The following PLPP7 variants were observed in gnomAD, a reference collection of about 807,000 sequenced individuals.
PLPP7 encodes inactive phospholipid phosphatase 7.
Under a neutral mutation model 16.9 loss-of-function variants are expected in PLPP7, and 11 were observed. The ratio of observed to expected loss-of-function variants is 0.65; its 90% CI spans 0.41 to 1.08. The LOEUF (loss-of-function observed/expected upper bound fraction) is 1.08, where lower values mean the gene tolerates loss of function less well. Among genes scored for constraint, PLPP7 ranks in the 50% least tolerant of loss-of-function variants. The pLI is 0.00. For synonymous variants in PLPP7, 174 were observed against 175.1 expected (o/e 0.99, Z 0.05); for missense variants, 358 against 397.1 (o/e 0.90, Z 0.84).
rs1448758491 is a variant in PLPP7 at position 131,295,059 on chromosome 9, G to A, written c.451+4611G>A. Reference sequence around the variant, plus strand: ...GAACCCGGGAGGCGGAGCTTGCAGTGAGCTGAGATCGCACCACTGCACTCC... The same window carrying A: ...GAACCCGGGAGGCGGAGCTTGCAGTAAGCTGAGATCGCACCACTGCACTCC... On this transcript the variant is annotated intron_variant, in intron 1 of 1. Coordinates refer to ENST00000372264, the MANE Select transcript of PLPP7 (RefSeq NM_032728.4). The surrounding 1 kb of genome is among the most constrained non-coding windows in gnomAD (Gnocchi z 4.0). Among the ~76,000 whole-genome samples, 1 of 150,364 alleles carries A rather than the reference G, an allele frequency of 6.7e-6. No homozygotes were observed. The highest frequency in any genetic ancestry group is 1.5e-5 in the Non-Finnish European group (1 of 67,498).
intron 1 of PLPP7, among the ~76,000 whole-genome samples, chr9:131,291,872 G>C (rs1197046405): frequency 1.3e-5 from 2 of 152,172 alleles, no homozygotes; most frequent in African/African-American, 4.8e-5. Context: ...ATGAGCCACC[G>C]TGCCTGGCCA....
intron 1 of PLPP7, among the ~76,000 whole-genome samples, chr9:131,303,070 G>A (rs1046767284): frequency 2.6e-5 from 4 of 152,154 alleles, no homozygotes; most frequent in East Asian, 3.8e-4. Context: ...GGTGGCTCAC[G>A]CCTGTAATCC....
At chr9:131,301,446 C>T (rs1023366914) in intron 1 of PLPP7, among the ~76,000 whole-genome samples, 4 of 152,150 alleles carry the variant, frequency 2.6e-5, no homozygotes, top group Admixed American at 1.3e-4. Flanking sequence ...GGCAGCTGTT[C>T]GGGCACCCAG....
At chr9:131,297,801 CAAG>C (rs752034253) in intron 1 of PLPP7, among the ~76,000 whole-genome samples, 1 of 152,204 alleles carries the variant, frequency 6.6e-6, no homozygotes, top group Non-Finnish European at 1.5e-5. Context: ...TCTTGCCCAG[CAAG>C]AAGCATTGTT....
At chr9:131,301,050 C>T (rs1182173265) in intron 1 of PLPP7, among the ~76,000 whole-genome samples, 2 of 152,170 alleles carry the variant, frequency 1.3e-5, no homozygotes, top group African/African-American at 4.8e-5. Context: ...CTCACTGCAA[C>T]GTCCATCTCC....
Position 131,292,973 on chromosome 9 carries a change from T to A in PLPP7, c.451+2525T>A, listed in dbSNP as rs576650079. ...CTTGAACAGAAGTGATAGACATTTT[T>A]AAAAATCTTTAAAAACATCATGTAT... On this transcript the variant is annotated intron_variant, in intron 1 of 1. Coordinates refer to ENST00000372264, the MANE Select transcript of PLPP7 (RefSeq NM_032728.4). 12 of 984,438 alleles carry A rather than the reference T, an allele frequency of 1.2e-5. 1 individual carries two copies. Among genetic ancestry groups the A allele is most frequent in the Middle Eastern group, 5.2e-4 (1 of 1,914 alleles). 61.0% of individuals were successfully genotyped at this position (984,438 alleles called of 1,614,324 possible). A position where few individuals can be genotyped will look rare whatever the true frequency, so the allele number is the denominator to read the frequency against.
intron 1 of PLPP7, among the ~76,000 whole-genome samples, chr9:131,303,615 C>G (rs764538048): frequency 6.6e-6 from 1 of 152,118 alleles, no homozygotes; most frequent in Non-Finnish European, 1.5e-5. Context: ...CATAACCCCC[C>G]ACCTTTATCC....
At position 131,307,530 on chromosome 9, in the gene PLPP7, T is replaced by G. The variant is rs2478864; in HGVS notation, c.452-393T>G. 2.3e-5 allele frequency among the ~76,000 whole-genome samples: 3 copies of G among 132,036 alleles called. No individual in the cohort carries two copies. In the East Asian group the frequency reaches 6.5e-4, roughly 29 times the overall value. 86.6% of individuals were successfully genotyped at this position (132,036 alleles called of 152,430 possible). ...TCTCACCTCTGCACTCCAGCCTGGT[T>G]GACAAAGTGAAACTCTGTCTCAAAA... On this transcript the variant is annotated intron_variant, in intron 1 of 1. Coordinates refer to ENST00000372264, the MANE Select transcript of PLPP7 (RefSeq NM_032728.4).
Position 131,292,853 on chromosome 9 carries a change from A to G in PLPP7, c.451+2405A>G. ...TGAAAAATTTGCAACCTACTTGTTA[A>G]GATAAGGCTTCAGGCTCATTCCAGC... On this transcript the variant is annotated intron_variant, in intron 1 of 1. Coordinates refer to ENST00000372264, the MANE Select transcript of PLPP7 (RefSeq NM_032728.4). 3 of 985,394 alleles carry G rather than the reference A, an allele frequency of 3.0e-6. No homozygotes were observed. The South Asian group carries it at 1.4e-4, about 46-fold the overall frequency. The allele number at this position is 985,394 out of a possible 1,614,324, so 61.0% of individuals were successfully genotyped here.
chr9:131,291,577 GAC>G (rs1835678668), intron 1 of PLPP7: 1 of 97,886 alleles, frequency 1.0e-5, no homozygotes, highest in Admixed American at 1.9e-4. Context: ...TTTTTTTTTT[GAC>G]AGAGTCTCGC....
At chr9:131,292,240 G>A (rs1423456889) in intron 1 of PLPP7, among the ~76,000 whole-genome samples, 1 of 152,176 alleles carries the variant, frequency 6.6e-6, no homozygotes, top group African/African-American at 2.4e-5. Context: ...AGAGAGGTAG[G>A]TTGCCTGCTG....
intron 1 of PLPP7, among the ~76,000 whole-genome samples, chr9:131,296,421 G>A (rs926534597): frequency 6.6e-6 from 1 of 152,048 alleles, no homozygotes; most frequent in African/African-American, 2.4e-5. Context: ...CTGCCACCAT[G>A]CCTGGCTAAT....
intron 1 of PLPP7, chr9:131,291,166 C>A (rs1433256590): frequency 6.6e-6 from 9 of 1,366,268 alleles, no homozygotes; most frequent in Non-Finnish European, 8.8e-6. Flanking sequence ...GCAAGCCATT[C>A]CCTCCACCCA....
At chr9:131,299,932 A>T (rs1368683331) in intron 1 of PLPP7, among the ~76,000 whole-genome samples, 2 of 152,184 alleles carry the variant, frequency 1.3e-5, no homozygotes, top group Non-Finnish European at 2.9e-5. Context: ...CAGGGAAGAA[A>T]GGGGGCAGAT....
At chr9:131,307,649 G>A (rs1448344294) in intron 1 of PLPP7, among the ~76,000 whole-genome samples, 1 of 151,332 alleles carries the variant, frequency 6.6e-6, no homozygotes, top group Non-Finnish European at 1.5e-5. Flanking sequence ...AATTAAACAA[G>A]GTGAGGGGAG....
intron 1 of PLPP7, chr9:131,291,227 C>T (rs1835673245): frequency 3.7e-6 from 5 of 1,348,578 alleles, no homozygotes; most frequent in Non-Finnish European, 4.0e-6. Flanking sequence ...CCACCAGGTC[C>T]CCAAGGTGCC....
intron 1 of PLPP7, among the ~76,000 whole-genome samples, chr9:131,298,890 C>T (rs1835765595): frequency 6.6e-6 from 1 of 152,212 alleles, no homozygotes; most frequent in South Asian, 2.1e-4. Context: ...ACAGCAGGGC[C>T]CCGGGGACAG....
intron 1 of PLPP7, among the ~76,000 whole-genome samples, chr9:131,296,258 G>A (rs1286185714): frequency 6.6e-6 from 1 of 150,520 alleles, no homozygotes; most frequent in Non-Finnish European, 1.5e-5. Flanking sequence ...GTTTCGTTTT[G>A]GGGGTTTTAG....
At chr9:131,301,028 G>T (rs1835793352) in intron 1 of PLPP7, among the ~76,000 whole-genome samples, 2 of 152,228 alleles carry the variant, frequency 1.3e-5, no homozygotes, top group South Asian at 4.1e-4. Flanking sequence ...GAATGCAGTG[G>T]TGCCATCTCA....
Sources: gnomAD v4.1 joint callset for allele counts (sites outside exome capture counted in the v4.1 genomes callset) on GRCh38, gnomAD v4.1.1 for gene constraint, Gnocchi (gnomAD v3.1) non-coding constraint, MANE v1.5 for transcripts, NCBI Gene and HGNC (gene_info 2026-07-23, HGNC 2026-07-21) for gene names.